RHOT1: variants seen among roughly 807,000 people sequenced by gnomAD.
RHOT1 encodes ras homolog family member T1.
Under a neutral mutation model 95.3 loss-of-function variants are expected in RHOT1, and 27 were observed. That is an observed-to-expected ratio of 0.28 (90% CI 0.21 to 0.39). RHOT1 has a LOEUF of 0.39. RHOT1 is among the 10% of genes least tolerant of loss of function. The pLI is 1.00. For synonymous variants in RHOT1, 227 were observed against 263.5 expected, an observed-to-expected ratio of 0.86 and a Z score of 1.34; for missense variants, 578 against 786.7, an observed-to-expected ratio of 0.73 and a Z score of 3.17.
At chr17:32,159,011 G>T (rs1038182965) in intron 1 of RHOT1, among the ~76,000 whole-genome samples, 2 of 152,172 alleles carry the variant, frequency 1.3e-5, no homozygotes, top group Admixed American at 6.5e-5. Flanking sequence ...GCAGCTGAGT[G>T]CATCACTCCT....
intron 1 of RHOT1, among the ~76,000 whole-genome samples, chr17:32,149,635 A>ATATATATGTGTGTGTGTGTGTG (rs1445281403): frequency 3.4e-5 from 2 of 59,076 alleles, no homozygotes; most frequent in Admixed American, 2.2e-4. Flanking sequence ...ATATATATAT[A>ATATATATGTGTGTGTGTGTGTG]TGTGTGTGTG....
At chr17:32,149,379 AT>A (rs1398444912) in intron 1 of RHOT1, among the ~76,000 whole-genome samples, 1 of 150,604 alleles carries the variant, frequency 6.6e-6, no homozygotes, top group East Asian at 1.9e-4. Flanking sequence ...AACAATCTTT[AT>A]TTTCTGAAGC....
At chr17:32,213,644 T>C (rs1316867222) in intron 19 of RHOT1, among the ~76,000 whole-genome samples, 1 of 152,210 alleles carries the variant, frequency 6.6e-6, no homozygotes, top group African/African-American at 2.4e-5. Context: ...AAGCAACATC[T>C]ATTTGATGTC....
chr17:32,196,470 G>A (rs181194592), intron 11 of RHOT1, among the ~76,000 whole-genome samples: 149 of 152,212 alleles, frequency 9.8e-4, no homozygotes, highest in African/African-American at 3.5e-3. Context: ...GGGATTACAA[G>A]CATTAGCCAC....
intron 8 of RHOT1, 53 bp from the exon 9 acceptor site, chr17:32,192,148 T>A: frequency 1.1e-6 from 1 of 883,366 alleles, no homozygotes; most frequent in Non-Finnish European, 1.8e-6. Flanking sequence ...TTCTCAGCAT[T>A]GCTTATGAAA....
intron 12 of RHOT1, 34 bp downstream of exon 12, chr17:32,199,065 A>G (rs1478274290): frequency 6.9e-7 from 1 of 1,444,804 alleles, no homozygotes; most frequent in Admixed American, 1.7e-5. Flanking sequence ...CATTATATAT[A>G]GTAAAACATT....
Position 32,199,533 on chromosome 17 carries a change from A to T in RHOT1, c.1083A>T (p.Gly361=). Residue 361 remains glycine, a synonymous_variant, in exon 13 of 20, where the codon GGA becomes GGT. Transcript: ENST00000545287. ...AAAGAGGCTGGATAACCTACCAGGG[A>T]TTCCTTTCCCAGTGGACGTGAGTAT... is the stretch of plus-strand genomic sequence containing the variant. ...TNERGWITYQ[G]FLSQWTLTTY... is the part of the protein sequence containing the mutation. 4 of 1,609,784 alleles carry T rather than the reference A, an allele frequency of 2.5e-6. No individual in the cohort carries two copies. Among genetic ancestry groups the T allele is most frequent in the Non-Finnish European group, 3.4e-6 (4 of 1,178,986 alleles).
chr17:32,152,594 A>G (rs1181846812), intron 1 of RHOT1, among the ~76,000 whole-genome samples: 1 of 152,006 alleles, frequency 6.6e-6, no homozygotes, highest in African/African-American at 2.4e-5. Flanking sequence ...CTGCTCTGAA[A>G]AAAAAAAGAG....
chr17:32,210,162 G>A (rs1340596461), intron 18 of RHOT1, among the ~76,000 whole-genome samples: 1 of 152,126 alleles, frequency 6.6e-6, no homozygotes, highest in Non-Finnish European at 1.5e-5. Flanking sequence ...ATGTTCAGGT[G>A]TTACAGGAAG....
At position 32,201,099 on chromosome 17, in the gene RHOT1, T is replaced by A. The variant is rs773566942; in HGVS notation, c.1201+43T>A. On this transcript the variant is annotated intron_variant, in intron 14 of 19. Transcript: ENST00000545287. Reference sequence around the variant, plus strand: ...GTTCAGCTCATGATTAGAGATATTTTTTAAGACTCCATTTTCAAATGTAAC... The same window carrying A: ...GTTCAGCTCATGATTAGAGATATTTATTAAGACTCCATTTTCAAATGTAAC... The A allele has an allele frequency of 6.0e-6, 7 of 1,171,162 alleles. No homozygotes were observed. In the African/African-American group the frequency reaches 7.8e-5, roughly 13 times the overall value. 72.5% of individuals were successfully genotyped at this position (1,171,162 alleles called of 1,614,324 possible).
At chr17:32,189,040 A>G (rs577522912) in intron 8 of RHOT1, among the ~76,000 whole-genome samples, 4 of 152,292 alleles carry the variant, frequency 2.6e-5, no homozygotes, top group African/African-American at 9.6e-5. Flanking sequence ...TGGTTCACGC[A>G]TGTAATCCCA....
At chr17:32,181,708 T>C (rs984949052) in intron 6 of RHOT1, among the ~76,000 whole-genome samples, 4 of 152,214 alleles carry the variant, frequency 2.6e-5, no homozygotes, top group African/African-American at 9.6e-5. Flanking sequence ...ATGCTGTATT[T>C]CAGTATGTAG....
chr17:32,162,678 C>A (rs2033672996), intron 1 of RHOT1, among the ~76,000 whole-genome samples: 1 of 152,142 alleles, frequency 6.6e-6, no homozygotes, highest in South Asian at 2.1e-4. Context: ...TTTTCCCATT[C>A]ATGTAAAATT....
At position 32,208,232 on chromosome 17, in the gene RHOT1, A is replaced by G; in HGVS notation, c.1662A>G (p.Pro554=). ...GCAGGAAACACAAAATGCCTCCACC[A>G]CAAGCCTTCACTTGCAATACTGCTG... ...DFCRKHKMPP[P]QAFTCNTADA... Residue 554 remains proline (P), a synonymous_variant, in exon 18 of 20, where the codon CCA becomes CCG. Transcript: ENST00000545287. 1 of 1,614,080 alleles carries G rather than the reference A, an allele frequency of 6.2e-7. No individual in the cohort carries two copies. The highest frequency in any genetic ancestry group is 8.5e-7 in the Non-Finnish European group (1 of 1,179,956).
intron 1 of RHOT1, among the ~76,000 whole-genome samples, chr17:32,168,126 T>G (rs2034253196): frequency 6.6e-6 from 1 of 151,880 alleles, no homozygotes; most frequent in Non-Finnish European, 1.5e-5. Flanking sequence ...AAAAAAAAGA[T>G]TCCTTTCAAA....
intron 8 of RHOT1, among the ~76,000 whole-genome samples, chr17:32,191,258 C>T (rs2036469205): frequency 6.6e-6 from 1 of 152,066 alleles, no homozygotes; most frequent in South Asian, 2.1e-4. Context: ...TATTTTCTTT[C>T]CTATTTTTTA....
At chr17:32,168,567 C>A (rs1358544656) in intron 1 of RHOT1, among the ~76,000 whole-genome samples, 2 of 150,798 alleles carry the variant, frequency 1.3e-5, no homozygotes, top group Non-Finnish European at 2.9e-5. Context: ...AGCCACTGCA[C>A]CAGACATATA....
chr17:32,159,222 C>T (rs1267687597), intron 1 of RHOT1: 2 of 152,684 alleles, frequency 1.3e-5, no homozygotes, highest in Non-Finnish European at 2.9e-5. Flanking sequence ...TCTCCTGCTC[C>T]TGCTGCAGGG....
At chr17:32,195,026 C>T (rs914198442) in intron 11 of RHOT1, among the ~76,000 whole-genome samples, 5 of 151,704 alleles carry the variant, frequency 3.3e-5, no homozygotes, top group Admixed American at 1.3e-4. Flanking sequence ...GGGGTTTCAC[C>T]GTGTTAACCA....
Sources: allele counts gnomAD v4.1 joint callset (sites outside exome capture counted in the v4.1 genomes callset), GRCh38; gene constraint gnomAD v4.1.1; transcripts MANE v1.5; gene names NCBI Gene and HGNC (gene_info 2026-07-23, HGNC 2026-07-21).